CA10: variants seen among roughly 807,000 people sequenced by gnomAD.
CA10 encodes the protein carbonic anhydrase-related protein 10.
In CA10, 14 loss-of-function variants were observed where a neutral mutation model predicts 44.2. That is an observed-to-expected ratio of 0.32 (90% CI 0.21 to 0.50). CA10 has a LOEUF of 0.50. CA10 is among the 20% of genes least tolerant of loss of function. The pLI is 0.99. For missense variants in CA10, 350 were observed against 409.7 expected (o/e 0.85, Z 1.26); for synonymous variants, 159 against 141.6 (o/e 1.12, Z -0.87).
At chr17:52,109,459 A>G (rs189209564) in intron 1 of CA10, among the ~76,000 whole-genome samples, 1 of 152,352 alleles carries the variant, frequency 6.6e-6, no homozygotes, top group East Asian at 1.9e-4. Flanking sequence ...AGTTCTATTC[A>G]GTGTGAGTAC....
chr17:52,080,345 G>A (rs1174675973), intron 1 of CA10, among the ~76,000 whole-genome samples: 6 of 151,872 alleles, frequency 4.0e-5, no homozygotes, highest in African/African-American at 1.2e-4. Context: ...CCAGCTACTC[G>A]GGAGGCTGAG....
chr17:52,018,676 G>C (rs1321275024), intron 2 of CA10, among the ~76,000 whole-genome samples: 4 of 152,044 alleles, frequency 2.6e-5, no homozygotes, highest in Non-Finnish European at 5.9e-5. Context: ...TTAGACTTTT[G>C]AGTGATGCTG....
At chr17:52,142,674 C>T (rs1242415692) in intron 1 of CA10, among the ~76,000 whole-genome samples, 1 of 152,108 alleles carries the variant, frequency 6.6e-6, no homozygotes, top group Admixed American at 6.5e-5. Context: ...CAATCTTTCC[C>T]AAGCCTACAA....
intron 1 of CA10, among the ~76,000 whole-genome samples, chr17:52,094,438 A>G (rs891562604): frequency 5.3e-5 from 8 of 152,314 alleles, no homozygotes; most frequent in Non-Finnish European, 1.0e-4. Flanking sequence ...TTAGCAGGAC[A>G]CTAGGGGAAA....
rs922953528 is a variant in CA10, at chr17:51,735,450, G to A, written c.465+12183C>T. ...TGGGTACTATGCTCAGTACCTGGGT[G>A]ATGGGATCATCTGTATCCCAAACCT... On this transcript the variant is annotated intron_variant, in intron 4 of 8. Coordinates refer to ENST00000451037, the MANE Select transcript of CA10 (RefSeq NM_020178.5). Among the ~76,000 whole-genome samples, 3 of 152,072 alleles carry A rather than the reference G, an allele frequency of 2.0e-5. No individual in the cohort carries two copies. In the East Asian group the frequency reaches 5.8e-4, roughly 29 times the overall value.
At chr17:52,052,484 C>G (rs1204187017) in intron 2 of CA10, among the ~76,000 whole-genome samples, 1 of 151,900 alleles carries the variant, frequency 6.6e-6, no homozygotes, top group African/African-American at 2.4e-5. Flanking sequence ...CTGTCTCCTC[C>G]ATGCATGCTT....
chr17:52,044,181 C>T (rs1986845429), intron 2 of CA10, among the ~76,000 whole-genome samples: 1 of 152,050 alleles, frequency 6.6e-6, no homozygotes, highest in South Asian at 2.1e-4. Context: ...TCCATCTGCT[C>T]CTGGGTTTGT....
chr17:51,912,257 A>C (rs1213929950), intron 3 of CA10, among the ~76,000 whole-genome samples: 1 of 152,206 alleles, frequency 6.6e-6, no homozygotes, highest in East Asian at 1.9e-4. Context: ...TTCTGAAAAC[A>C]CTATGTGCTA....
chr17:52,022,696 T>C (rs1260837219), intron 2 of CA10, among the ~76,000 whole-genome samples: 2 of 152,070 alleles, frequency 1.3e-5, no homozygotes, highest in Non-Finnish European at 2.9e-5. Context: ...CATGATTTTA[T>C]ATCTAGACAA....
chr17:52,041,886 A>G (rs887691989), intron 2 of CA10, among the ~76,000 whole-genome samples: 4 of 152,056 alleles, frequency 2.6e-5, no homozygotes, highest in African/African-American at 9.7e-5. Flanking sequence ...AATGTCCTCC[A>G]GGTTCATTCA....
chr17:51,709,348 A>G (rs1249982077), intron 4 of CA10, among the ~76,000 whole-genome samples: 1 of 152,200 alleles, frequency 6.6e-6, no homozygotes, highest in East Asian at 1.9e-4. Flanking sequence ...TCAGTGAGTG[A>G]TGTAGAGAGC....
chr17:52,050,343 T>C (rs560912357), intron 2 of CA10, among the ~76,000 whole-genome samples: 72 of 152,162 alleles, frequency 4.7e-4, no homozygotes, highest in African/African-American at 1.7e-3. Context: ...TCTTTACTCC[T>C]GACTCTCCAA....
intron 2 of CA10, among the ~76,000 whole-genome samples, chr17:51,996,517 T>A (rs771643543): frequency 6.6e-6 from 1 of 151,836 alleles, no homozygotes; most frequent in Admixed American, 6.6e-5. Context: ...ACATGGCCCA[T>A]GGTTTAAATC....
At chr17:51,700,024 T>TTTCC (rs1378390515) in intron 4 of CA10, among the ~76,000 whole-genome samples, 1 of 152,018 alleles carries the variant, frequency 6.6e-6, no homozygotes, top group Admixed American at 6.5e-5. Flanking sequence ...TGCAAAGTAC[T>TTTCC]TTCCTTCCTT....
intron 1 of CA10, among the ~76,000 whole-genome samples, chr17:52,100,270 T>C (rs1988506640): frequency 6.6e-6 from 1 of 152,216 alleles, no homozygotes; most frequent in African/African-American, 2.4e-5. Flanking sequence ...TAGGATTGAT[T>C]TCTGATAGGC....
At chr17:51,891,430 A>G (rs1980851273) in intron 3 of CA10, among the ~76,000 whole-genome samples, 1 of 152,210 alleles carries the variant, frequency 6.6e-6, no homozygotes, top group Non-Finnish European at 1.5e-5. Flanking sequence ...CCTGGCCTTG[A>G]AACAGAGGTG....
At chr17:52,050,016 G>T (rs1361820550) in intron 2 of CA10, among the ~76,000 whole-genome samples, 2 of 152,044 alleles carry the variant, frequency 1.3e-5, no homozygotes, top group East Asian at 1.9e-4. Context: ...CATAGCCTAG[G>T]TGTACAGTAG....
At position 51,880,801 on chromosome 17, in the gene CA10, A is replaced by G. The variant is rs149005168; in HGVS notation, c.279+50189T>C. ...TTACGTGGAAGCATGAAAAAAACCA[A>G]TGTTCATAGTGCATTGATAGATGAA... On this transcript the variant is annotated intron_variant, in intron 3 of 8. Transcript: ENST00000451037. 2.5e-3 allele frequency among the ~76,000 whole-genome samples: 388 copies of G among 152,296 alleles called. No homozygotes were observed. The Middle Eastern group carries it at 0.034, about 13-fold the overall frequency.
intron 2 of CA10, among the ~76,000 whole-genome samples, chr17:51,983,184 G>A (rs1984711436): frequency 6.6e-6 from 1 of 151,668 alleles, no homozygotes; most frequent in African/African-American, 2.4e-5. Context: ...AACTAACTCT[G>A]TCCAGATTAC....
Sources: allele counts gnomAD v4.1 joint callset (sites outside exome capture counted in the v4.1 genomes callset), GRCh38; gene constraint gnomAD v4.1.1; transcripts MANE v1.5; gene names NCBI Gene and HGNC (gene_info 2026-07-23, HGNC 2026-07-21).